Variants in OPCML observed in about 807,000 individuals in gnomAD.
OPCML encodes the protein opioid binding protein/cell adhesion molecule like.
A neutral mutation model predicts 37.8 loss-of-function variants in OPCML; 13 were observed. The ratio of observed to expected loss-of-function variants is 0.34; its 90% CI spans 0.22 to 0.55. The LOEUF is 0.55. OPCML is among the 20% of genes least tolerant of loss of function. The pLI, the probability that OPCML is intolerant of heterozygous loss-of-function variation, is 0.91. For missense variants in OPCML, 341 were observed against 435.6 expected (o/e 0.78, Z 1.93); for synonymous variants, 176 against 168.8 (o/e 1.04, Z -0.33).
intron 1 of OPCML, among the ~76,000 whole-genome samples, chr11:132,962,941 G>C (rs1946124906): frequency 6.6e-6 from 1 of 152,182 alleles, no homozygotes; most frequent in Non-Finnish European, 1.5e-5. Context: ...ACAAAACAGA[G>C]ACTGTTTTCT....
intron 7 of OPCML, among the ~76,000 whole-genome samples, chr11:132,428,390 C>T (rs2095984707): frequency 6.6e-6 from 1 of 152,180 alleles, no homozygotes; most frequent in South Asian, 2.1e-4. Context: ...GGGCAACGCT[C>T]ACTGGAAGAT....
At chr11:132,797,786 A>T (rs1938416460) in intron 2 of OPCML, among the ~76,000 whole-genome samples, 1 of 152,242 alleles carries the variant, frequency 6.6e-6, no homozygotes, top group African/African-American at 2.4e-5. Flanking sequence ...ACTAACAATC[A>T]TCCAAGCTTT....
At chr11:132,963,590 CAAA>C (rs956752290) in intron 1 of OPCML, among the ~76,000 whole-genome samples, 3 of 97,992 alleles carry the variant, frequency 3.1e-5, no homozygotes, top group East Asian at 3.0e-4. Context: ...GACTGGGTCT[CAAA>C]AAAAAAAAAA....
intron 2 of OPCML, among the ~76,000 whole-genome samples, chr11:132,737,835 G>C (rs1440780922): frequency 6.6e-6 from 1 of 152,194 alleles, no homozygotes; most frequent in Non-Finnish European, 1.5e-5. Flanking sequence ...AGTGAAATGG[G>C]AAAGAAGAGA....
intron 1 of OPCML, among the ~76,000 whole-genome samples, chr11:133,380,065 T>TA (rs1944899311): frequency 6.6e-6 from 1 of 152,150 alleles, no homozygotes; most frequent in African/African-American, 2.4e-5. Flanking sequence ...AGTTCTGAAA[T>TA]ACAAAGATGA....
rs188532475 is a variant in OPCML at position 133,239,692 on chromosome 11, C to T, written c.61+292572G>A. Among the ~76,000 whole-genome samples, 58 of 152,294 alleles carry T rather than the reference C, an allele frequency of 3.8e-4. No homozygotes were observed. The East Asian group carries it at 7.8e-3, about 20-fold the overall frequency. ...CATCCCCACGGAGGAGAAACTCCTT[C>T]GCGCTAATTACAGCCACCAGGAAGT... On this transcript the variant is annotated intron_variant, in intron 1 of 7. Coordinates refer to ENST00000524381, the MANE Select transcript of OPCML (RefSeq NM_001012393.5).
chr11:133,145,303 T>A (rs1949882191), intron 1 of OPCML, among the ~76,000 whole-genome samples: 1 of 152,106 alleles, frequency 6.6e-6, no homozygotes, highest in African/African-American at 2.4e-5. Flanking sequence ...TACGAGGAGA[T>A]GAAATTTACT....
intron 1 of OPCML, among the ~76,000 whole-genome samples, chr11:133,192,040 T>TA (rs905370379): frequency 1.3e-5 from 2 of 152,106 alleles, no homozygotes; most frequent in Admixed American, 6.5e-5. Flanking sequence ...ATAGGTACAG[T>TA]AAAAAAAGAA....
intron 1 of OPCML, among the ~76,000 whole-genome samples, chr11:133,102,896 A>G (rs902889462): frequency 6.6e-6 from 1 of 152,222 alleles, no homozygotes; most frequent in African/African-American, 2.4e-5. Flanking sequence ...ACTATGGGCT[A>G]TAAAGCAAGG....
At position 132,567,213 on chromosome 11, in the gene OPCML, C is replaced by T. The variant is rs191013631; in HGVS notation, c.380-38027G>A. On this transcript the variant is annotated intron_variant, in intron 3 of 7. Coordinates refer to ENST00000524381, the MANE Select transcript of OPCML (RefSeq NM_001012393.5). ...CTCTCTAGTGGGAAAAAGCTTTTAT[C>T]GCTTCCCAGTTCTCATGGTGAAAAA... 1.7e-3 allele frequency among the ~76,000 whole-genome samples: 258 copies of T among 152,272 alleles called. 2 individuals are homozygous for T. The highest frequency in any genetic ancestry group is 2.8e-3 in the Admixed American group (43 of 15,300).
intron 1 of OPCML, among the ~76,000 whole-genome samples, chr11:133,428,725 A>T (rs1468444024): frequency 6.6e-6 from 1 of 152,190 alleles, no homozygotes; most frequent in Non-Finnish European, 1.5e-5. Flanking sequence ...ATTCTGGGAA[A>T]GGAAGAGTGA....
intron 1 of OPCML, among the ~76,000 whole-genome samples, chr11:133,199,752 A>C (rs1249807979): frequency 3.3e-5 from 5 of 152,048 alleles, no homozygotes; most frequent in Admixed American, 6.6e-5. Context: ...AACTACCAAC[A>C]CCTCATACTG....
chr11:132,509,797 T>C (rs1025087413), intron 4 of OPCML, among the ~76,000 whole-genome samples: 21 of 152,200 alleles, frequency 1.4e-4, no homozygotes, highest in Admixed American at 1.3e-4. Flanking sequence ...GGGGCCCTCA[T>C]GGAGAACCTC....
intron 2 of OPCML, among the ~76,000 whole-genome samples, chr11:132,932,736 A>C (rs1945251150): frequency 6.7e-6 from 1 of 149,790 alleles, no homozygotes; most frequent in Admixed American, 6.7e-5. Context: ...GGATAAATAT[A>C]TATATTTAAC....
At chr11:133,150,266 G>C (rs1949958905) in intron 1 of OPCML, among the ~76,000 whole-genome samples, 1 of 152,180 alleles carries the variant, frequency 6.6e-6, no homozygotes, top group African/African-American at 2.4e-5. Context: ...CCATGTCAGG[G>C]ACTGCGCTAA....
At chr11:132,837,777 C>T (rs1454656639) in intron 2 of OPCML, among the ~76,000 whole-genome samples, 2 of 152,098 alleles carry the variant, frequency 1.3e-5, no homozygotes, top group Non-Finnish European at 2.9e-5. Context: ...ATGGACAGGG[C>T]ATGGCGGGGG....
intron 2 of OPCML, among the ~76,000 whole-genome samples, chr11:132,800,818 AG>A (rs1453317339): frequency 6.6e-6 from 1 of 152,126 alleles, no homozygotes; most frequent in Non-Finnish European, 1.5e-5. Flanking sequence ...CATTTTTAAA[AG>A]TTTCTGATCT....
At chr11:132,446,243 G>A (rs1461737975) in intron 4 of OPCML, among the ~76,000 whole-genome samples, 2 of 149,060 alleles carry the variant, frequency 1.3e-5, no homozygotes, top group South Asian at 2.2e-4. Flanking sequence ...AACAGCCAGG[G>A]TACCTGTGAG....
rs973319985 is a variant in OPCML at position 133,043,548 on chromosome 11, T to C, written c.62-100538A>G. Among the ~76,000 whole-genome samples the C allele has an allele frequency of 2.0e-5, 3 of 152,156 alleles. No individual in the cohort carries two copies. The South Asian group carries it at 6.2e-4, about 32-fold the overall frequency. On this transcript the variant is annotated intron_variant, in intron 1 of 7. Coordinates refer to ENST00000524381, the MANE Select transcript of OPCML (RefSeq NM_001012393.5). ...ATAGATTTCCAGCCTCACTGTGATA[T>C]TGCTTTAGGAGGGCCTGTGCCACAG...
Sources: allele counts gnomAD v4.1 joint callset (sites outside exome capture counted in the v4.1 genomes callset), GRCh38; gene constraint gnomAD v4.1.1; transcripts MANE v1.5; gene names NCBI Gene and HGNC (gene_info 2026-07-23, HGNC 2026-07-21).